FRMD4A: variants seen among roughly 807,000 people sequenced by gnomAD.
The protein encoded by FRMD4A is FERM domain containing 4A.
FRMD4A carries 29 observed loss-of-function variants against 129.1 expected under a neutral mutation model. The ratio of observed to expected loss-of-function variants is 0.22; its 90% confidence interval spans 0.17 to 0.31. The LOEUF (loss-of-function observed/expected upper bound fraction) is 0.31, where lower values mean the gene tolerates loss of function less well. FRMD4A is among the 10% of genes least tolerant of loss of function. The pLI is 1.00. For missense variants in FRMD4A, 1,272 were observed against 1,375.8 expected, an observed-to-expected ratio of 0.92 and a Z score of 1.19; for synonymous variants, 634 against 571.6, an observed-to-expected ratio of 1.11 and a Z score of -1.56.
chr10:13,822,936 G>A, intron 3 of FRMD4A, among the ~76,000 whole-genome samples: 1 of 152,000 alleles, frequency 6.6e-6, no homozygotes, highest in East Asian at 1.9e-4. Context: ...CAGGGGTGAG[G>A]TCTCCCTGGG....
At chr10:13,772,317 C>A (rs1297413396) in intron 6 of FRMD4A, among the ~76,000 whole-genome samples, 1 of 151,182 alleles carries the variant, frequency 6.6e-6, no homozygotes, top group African/African-American at 2.4e-5. Context: ...ATCTTAGAGA[C>A]CAGAATAGAT....
intron 2 of FRMD4A, among the ~76,000 whole-genome samples, chr10:14,128,937 G>A (rs973784003): frequency 6.6e-6 from 1 of 152,132 alleles, no homozygotes; most frequent in Non-Finnish European, 1.5e-5. Context: ...ATGGGTGCCT[G>A]GATGGAAGGC....
intron 2 of FRMD4A, among the ~76,000 whole-genome samples, chr10:14,289,470 G>T (rs777188705): frequency 4.6e-4 from 70 of 151,970 alleles, no homozygotes; most frequent in Non-Finnish European, 8.7e-4. Flanking sequence ...TTTTAATTGG[G>T]TTATCGTCAT....
At chr10:13,755,166 G>C (rs538504963) in intron 8 of FRMD4A, among the ~76,000 whole-genome samples, 3 of 152,116 alleles carry the variant, frequency 2.0e-5, no homozygotes, top group Non-Finnish European at 4.4e-5. Flanking sequence ...CTCAAAAAAA[G>C]TCTTTTAGAA....
intron 9 of FRMD4A, among the ~76,000 whole-genome samples, chr10:13,741,292 A>C (rs574203227): frequency 6.6e-6 from 1 of 151,806 alleles, no homozygotes; most frequent in South Asian, 2.1e-4. Context: ...TCTATACAAA[A>C]ATACAAAAAT....
chr10:14,141,629 G>A (rs1839840830), intron 2 of FRMD4A, among the ~76,000 whole-genome samples: 1 of 151,290 alleles, frequency 6.6e-6, no homozygotes, highest in Non-Finnish European at 1.5e-5. Flanking sequence ...TCTCCTTTAA[G>A]CGACATCTCA....
chr10:14,100,066 G>A (rs913266967), intron 2 of FRMD4A, among the ~76,000 whole-genome samples: 2 of 152,166 alleles, frequency 1.3e-5, no homozygotes, highest in African/African-American at 2.4e-5. Flanking sequence ...CCAGACAGGC[G>A]GCTCATCCAC....
intron 2 of FRMD4A, among the ~76,000 whole-genome samples, chr10:13,952,443 G>T (rs1032197015): frequency 2.0e-5 from 3 of 152,098 alleles, no homozygotes; most frequent in African/African-American, 7.2e-5. Context: ...GGAGGCTGCA[G>T]TGAGCTAAGA....
At chr10:13,838,498 C>G (rs535551873) in intron 3 of FRMD4A, among the ~76,000 whole-genome samples, 1 of 150,472 alleles carries the variant, frequency 6.6e-6, no homozygotes, top group African/African-American at 2.4e-5. Flanking sequence ...CCCCCTCCCT[C>G]CCTTTTTTTT....
At chr10:13,981,571 T>C (rs1194096476) in intron 2 of FRMD4A, among the ~76,000 whole-genome samples, 1 of 151,648 alleles carries the variant, frequency 6.6e-6, no homozygotes, top group Non-Finnish European at 1.5e-5. Context: ...AAACCCCGCC[T>C]CTACTACAAA....
At chr10:14,265,629 TTCTGATTA>T (rs1364260915) in intron 2 of FRMD4A, among the ~76,000 whole-genome samples, 1 of 152,212 alleles carries the variant, frequency 6.6e-6, no homozygotes, top group Non-Finnish European at 1.5e-5. Flanking sequence ...CTCTAGTGAT[TTCTGATTA>T]TCCCAACTGG....
chr10:14,183,542 A>C (rs1841978168), intron 2 of FRMD4A, among the ~76,000 whole-genome samples: 1 of 151,342 alleles, frequency 6.6e-6, no homozygotes, highest in Admixed American at 6.6e-5. Context: ...TTTTTTTCAA[A>C]TCACTCCTGT....
chr10:14,213,076 A>C (rs935783980), intron 2 of FRMD4A, among the ~76,000 whole-genome samples: 1 of 151,924 alleles, frequency 6.6e-6, no homozygotes, highest in African/African-American at 2.4e-5. Flanking sequence ...ATCTTTACAA[A>C]AAATTTGAAA....
chr10:13,800,265 C>G (rs1474720182), intron 4 of FRMD4A, among the ~76,000 whole-genome samples: 1 of 152,206 alleles, frequency 6.6e-6, no homozygotes, highest in Non-Finnish European at 1.5e-5. Context: ...CCCCCAAAAC[C>G]TAGCACAGTG....
At chr10:14,212,278 T>C (rs1359580403) in intron 2 of FRMD4A, among the ~76,000 whole-genome samples, 1 of 152,026 alleles carries the variant, frequency 6.6e-6, no homozygotes, top group Non-Finnish European at 1.5e-5. Flanking sequence ...GGACAAGAGG[T>C]TGCACATCAC....
At chr10:13,975,458 G>A (rs1271617432) in intron 2 of FRMD4A, among the ~76,000 whole-genome samples, 1 of 151,572 alleles carries the variant, frequency 6.6e-6, no homozygotes, top group South Asian at 2.1e-4. Flanking sequence ...TCGTGTGTCT[G>A]TTTGTCTATT....
intron 13 of FRMD4A, among the ~76,000 whole-genome samples, chr10:13,701,713 T>C (rs2086849051): frequency 6.6e-6 from 1 of 152,228 alleles, no homozygotes; most frequent in Admixed American, 6.5e-5. Flanking sequence ...GTTCAGAATC[T>C]GGCCAAGCCT....
At chr10:13,767,988 G>A (rs2092340396) in intron 6 of FRMD4A, among the ~76,000 whole-genome samples, 1 of 152,038 alleles carries the variant, frequency 6.6e-6, no homozygotes, top group South Asian at 2.1e-4. Flanking sequence ...TGTACTTTAG[G>A]CATCTGCTTT....
At chr10:14,046,420 G>A (rs996791059) in intron 2 of FRMD4A, among the ~76,000 whole-genome samples, 3 of 152,090 alleles carry the variant, frequency 2.0e-5, no homozygotes, top group Non-Finnish European at 4.4e-5. Context: ...CTGTAGGAAT[G>A]TTCTATAATA....
Sources: gnomAD v4.1 joint callset for allele counts (sites outside exome capture counted in the v4.1 genomes callset) on GRCh38, gnomAD v4.1.1 for gene constraint, MANE v1.5 for transcripts, NCBI Gene and HGNC (gene_info 2026-07-23, HGNC 2026-07-21) for gene names.